KCNAB2: variants seen among roughly 807,000 people sequenced by gnomAD.
KCNAB2 encodes voltage-gated potassium channel subunit beta-2.
A neutral mutation model predicts 63.6 loss-of-function variants in KCNAB2; 29 were observed. The ratio of observed to expected loss-of-function variants is 0.46; its 90% CI spans 0.34 to 0.62. The LOEUF (loss-of-function observed/expected upper bound fraction) is 0.62, where lower values mean the gene tolerates loss of function less well. Among genes scored for constraint, KCNAB2 ranks in the 20% least tolerant of loss-of-function variants. KCNAB2 has a pLI of 0.01. For synonymous variants in KCNAB2, 222 were observed against 224.2 expected (o/e 0.99, Z 0.09); for missense variants, 359 against 563.9 (o/e 0.64, Z 3.68).
chr1:6,073,639 G>GC lies in KCNAB2; in HGVS notation c.263-89dup. ...GCAGCACAGAGGGACACCTGTGGCT[G>GC]CCCCCTGTGCCCTACAGCCTGAGGT... On this transcript the variant is annotated intron_variant, in intron 3 of 15. Transcript: ENST00000378083. The surrounding 1 kb of genome is among the most constrained non-coding windows in gnomAD (Gnocchi z 5.7). 2.6e-6 allele frequency: 3 copies of GC among 1,151,598 alleles called. No homozygotes were observed. The highest frequency in any genetic ancestry group is 3.9e-6 in the Non-Finnish European group (3 of 760,234). 71.3% of individuals were successfully genotyped at this position (1,151,598 alleles called of 1,614,324 possible).
At chr1:6,097,732 A>C in intron 15 of KCNAB2, 1 of 459,902 alleles carries the variant, frequency 2.2e-6, no homozygotes, top group Non-Finnish European at 3.8e-6. Flanking sequence ...AGTCACGCAA[A>C]TGCCTGCGGG....
chr1:6,075,530 G>C (rs1663585165), intron 4 of KCNAB2, among the ~76,000 whole-genome samples: 1 of 152,244 alleles, frequency 6.6e-6, no homozygotes, highest in African/African-American at 2.4e-5. Context: ...AAATGGCTTA[G>C]CAAAGGAGCA....
At chr1:6,084,627 C>T (rs188285322) in intron 5 of KCNAB2, among the ~76,000 whole-genome samples, 82 of 152,214 alleles carry the variant, frequency 5.4e-4, no homozygotes, top group African/African-American at 1.3e-3. Flanking sequence ...ACCAGCCTGG[C>T]CAACATAGTG....
At position 6,095,399 on chromosome 1, in the gene KCNAB2, G is replaced by A. The variant is rs1665535103; in HGVS notation, c.809G>A (p.Arg270His). The A allele has an allele frequency of 1.2e-6, 2 of 1,613,062 alleles. No homozygotes were observed. Among genetic ancestry groups the A allele is most frequent in the Non-Finnish European group, 1.7e-6 (2 of 1,180,032 alleles). Residue 270 changes from arginine to histidine, a missense_variant, in exon 12 of 16, where the codon CGT becomes CAT. Physicochemically the swap from Arg to His is conservative, Grantham distance 29. Around this residue, in one of 2 missense-constraint regions of KCNAB2, gnomAD observed 271 missense variants for 476.1 expected, o/e 0.57. Coordinates refer to ENST00000378083, the MANE Select transcript of KCNAB2 (RefSeq NM_001199862.2). ...CEQAEYHMFQ[R>H]EKVEVQLPEL... The stretch of plus-strand genomic sequence containing the variant: ...CAGGCTGAGTACCACATGTTCCAGC[G>A]TGAGAAAGTGGAGGTGCAGCTGCCG...
intron 1 of KCNAB2, among the ~76,000 whole-genome samples, chr1:6,038,028 T>C (rs979537543): frequency 5.3e-5 from 8 of 151,544 alleles, no homozygotes; most frequent in Admixed American, 2.6e-4. Context: ...GCGCCCGCCA[T>C]CACACCCAGC....
chr1:6,016,155 ACCTGCTG>A (rs918114549), intron 1 of KCNAB2, among the ~76,000 whole-genome samples: 5 of 152,160 alleles, frequency 3.3e-5, no homozygotes, highest in African/African-American at 9.7e-5. Flanking sequence ...ACCAGCACCC[ACCTGCTG>A]CCTGCTGCCT....
At chr1:6,019,629 C>T (rs1658706501) in intron 1 of KCNAB2, among the ~76,000 whole-genome samples, 1 of 152,234 alleles carries the variant, frequency 6.6e-6, no homozygotes, top group South Asian at 2.1e-4. Flanking sequence ...AGCTTGCCAG[C>T]CTCGACCTGA....
intron 1 of KCNAB2, among the ~76,000 whole-genome samples, chr1:6,051,061 G>C (rs185594426): frequency 1.6e-4 from 25 of 152,328 alleles, no homozygotes; most frequent in South Asian, 6.2e-4. Flanking sequence ...CTTTCCCAGG[G>C]ACAGCTTTTG....
At position 6,087,431 on chromosome 1, in the gene KCNAB2, G is replaced by T. The variant is rs887271553; in HGVS notation, c.426-36G>T. The T allele has an allele frequency of 6.2e-7, 1 of 1,611,786 alleles. No homozygotes were observed. The highest frequency in any genetic ancestry group is 1.3e-5 in the African/African-American group (1 of 74,888). On this transcript the variant is annotated intron_variant, in intron 6 of 15. Transcript: ENST00000378083. The surrounding 1 kb of genome is among the most constrained non-coding windows in gnomAD (Gnocchi z 6.4). ...TGAAGGAGGACCCCCCAGGGGCCGG[G>T]CTTATCACACCCCTTCTTTCTCTTC... is the stretch of plus-strand genomic sequence containing the variant.
At chr1:6,004,844 C>A (rs367881077) in intron 1 of KCNAB2, among the ~76,000 whole-genome samples, 1 of 151,424 alleles carries the variant, frequency 6.6e-6, no homozygotes, top group Non-Finnish European at 1.5e-5. Context: ...CACCTCCAGC[C>A]CCGTCTCCCT....
At position 6,073,777 on chromosome 1, in the gene KCNAB2, T is replaced by C. The variant is rs750547108; in HGVS notation, c.300+7T>C. The stretch of plus-strand genomic sequence containing the variant: ...AGGCCAGATCACCGATGAGGTAAGA[T>C]GGGGCTCTCCCAGCACCCCAGAACC... On this transcript the variant is annotated splice_region_variant and intron_variant, in intron 4 of 15. Transcript: ENST00000378083. This position sits in a 1 kb window ranked among gnomAD's most constrained non-coding sequence, Gnocchi z 5.7. 4 of 1,613,918 alleles carry C rather than the reference T, an allele frequency of 2.5e-6. No homozygotes were observed. In the Admixed American group the frequency reaches 6.7e-5, roughly 27 times the overall value.
intron 4 of KCNAB2, among the ~76,000 whole-genome samples, chr1:6,079,040 C>A (rs577094670): frequency 1.1e-4 from 16 of 151,922 alleles, no homozygotes; most frequent in African/African-American, 3.9e-4. Flanking sequence ...GGGGAAGCCG[C>A]GGCAGGGGCT....
intron 2 of KCNAB2, among the ~76,000 whole-genome samples, chr1:6,065,829 C>G (rs2100617628): frequency 6.6e-6 from 1 of 152,348 alleles, no homozygotes; most frequent in Non-Finnish European, 1.5e-5. Flanking sequence ...AGCCGCGCTT[C>G]CAGCAGGTCT....
chr1:6,101,180 A>G lies in KCNAB2; in HGVS notation c.*2606A>G, dbSNP rs1666009961. 1 of 152,138 alleles carries G rather than the reference A, an allele frequency of 6.6e-6. No homozygotes were observed. 9.4% of individuals were successfully genotyped at this position (152,138 alleles called of 1,614,324 possible). On this transcript the variant is annotated 3_prime_UTR_variant, in exon 16 of 16. Transcript: ENST00000378083. ...GACAAAATAAATAAAGCCCAAACCC[A>G]TCGGTCTCTGTGACTTTTTGCTCCT...
upstream of KCNAB2, among the ~76,000 whole-genome samples, chr1:6,042,172 C>T (rs1660551976): frequency 6.6e-6 from 1 of 152,206 alleles, no homozygotes; most frequent in African/African-American, 2.4e-5. Flanking sequence ...TAAAGCTTCA[C>T]TCATCAGGCA....
chr1:6,001,461 C>A (rs941968515), intron 1 of KCNAB2, among the ~76,000 whole-genome samples: 43 of 152,280 alleles, frequency 2.8e-4, no homozygotes, highest in African/African-American at 9.4e-4. Flanking sequence ...AGAGGGTCTC[C>A]CCAACCCTCT....
At chr1:6,018,907 A>G (rs1658665926) in intron 1 of KCNAB2, 2 of 152,184 alleles carry the variant, frequency 1.3e-5, no homozygotes, top group Admixed American at 1.3e-4. Flanking sequence ...TGGCAATAAA[A>G]CTTTATTTAT....
At chr1:6,018,063 C>T (rs1042425297) in intron 1 of KCNAB2, among the ~76,000 whole-genome samples, 2 of 152,134 alleles carry the variant, frequency 1.3e-5, no homozygotes, top group East Asian at 3.9e-4. Flanking sequence ...CAGGCACACA[C>T]CTGTAATCCC....
chr1:5,996,656 T>C (rs1334040568), intron 1 of KCNAB2, among the ~76,000 whole-genome samples: 1 of 152,254 alleles, frequency 6.6e-6, no homozygotes, highest in Non-Finnish European at 1.5e-5. Flanking sequence ...TTTGACGCCA[T>C]GCTGGTTGTA....
Sources: allele counts gnomAD v4.1 joint callset (sites outside exome capture counted in the v4.1 genomes callset), GRCh38; gene constraint gnomAD v4.1.1; regional missense constraint gnomAD v4.1.1; non-coding constraint Gnocchi (gnomAD v3.1); transcripts MANE v1.5; gene names NCBI Gene and HGNC (gene_info 2026-07-23, HGNC 2026-07-21).